SGCZ: variants seen among roughly 807,000 people sequenced by gnomAD.
SGCZ encodes the protein sarcoglycan zeta, also known as zeta-sarcoglycan.
A neutral mutation model predicts 41.3 loss-of-function variants in SGCZ; 40 were observed. The observed-to-expected ratio is 0.97, with a 90% CI of 0.75 to 1.26. SGCZ has a LOEUF of 1.26. Among genes scored for constraint, SGCZ ranks in the 50% most tolerant of loss-of-function variants. The pLI is 0.00. For synonymous variants in SGCZ, 206 were observed against 137.5 expected (o/e 1.50, Z -3.49); for missense variants, 552 against 369.8 (o/e 1.49, Z -4.04).
intron 2 of SGCZ, among the ~76,000 whole-genome samples, chr8:14,535,510 G>A (rs1432651205): frequency 6.6e-6 from 1 of 151,792 alleles, no homozygotes; most frequent in African/African-American, 2.4e-5. Context: ...CACACAAGCT[G>A]TAATTAAAAT....
At chr8:14,725,033 A>T (rs1810006337) in intron 1 of SGCZ, among the ~76,000 whole-genome samples, 1 of 152,066 alleles carries the variant, frequency 6.6e-6, no homozygotes. Context: ...AGTGGCCATC[A>T]TTCTACTCTC....
chr8:14,162,768 G>A (rs933244006), intron 5 of SGCZ: 1 of 152,336 alleles, frequency 6.6e-6, no homozygotes, highest in Non-Finnish European at 1.5e-5. Context: ...GACAGGCGTA[G>A]GGGTAAGGGT....
At chr8:14,807,142 T>A (rs1801563791) in intron 1 of SGCZ, among the ~76,000 whole-genome samples, 1 of 151,552 alleles carries the variant, frequency 6.6e-6, no homozygotes, top group Admixed American at 6.6e-5. Context: ...GGGCAAAAAC[T>A]GGAAGCATTC....
chr8:14,101,707 T>C (rs547055746), intron 7 of SGCZ, among the ~76,000 whole-genome samples: 4 of 152,012 alleles, frequency 2.6e-5, no homozygotes, highest in Admixed American at 1.3e-4. Context: ...AAAGGCACTC[T>C]TTCTATGGAA....
At chr8:14,532,201 G>A (rs540773926) in intron 2 of SGCZ, among the ~76,000 whole-genome samples, 14 of 152,050 alleles carry the variant, frequency 9.2e-5, no homozygotes, top group Admixed American at 7.9e-4. Context: ...AATCACAGAT[G>A]TATCCAGATG....
chr8:14,588,768 T>G (rs529930025), intron 1 of SGCZ, among the ~76,000 whole-genome samples: 25 of 152,272 alleles, frequency 1.6e-4, no homozygotes, highest in African/African-American at 4.3e-4. Flanking sequence ...AATAGATTGA[T>G]AACAAAGAAT....
At chr8:14,308,489 T>G (rs774495948) in intron 3 of SGCZ, among the ~76,000 whole-genome samples, 1 of 151,976 alleles carries the variant, frequency 6.6e-6, no homozygotes, top group Non-Finnish European at 1.5e-5. Context: ...GGTTCAAGCT[T>G]CAATGCAGGG....
chr8:15,115,931 T>A (rs1414210961), intron 1 of SGCZ, among the ~76,000 whole-genome samples: 2 of 152,216 alleles, frequency 1.3e-5, no homozygotes, highest in African/African-American at 4.8e-5. Flanking sequence ...GCCTCTATAA[T>A]AGTTCAGCAA....
At chr8:14,454,785 AG>A in intron 2 of SGCZ, among the ~76,000 whole-genome samples, 1 of 152,278 alleles carries the variant, frequency 6.6e-6, no homozygotes, top group African/African-American at 2.4e-5. Flanking sequence ...TAACATAAAG[AG>A]GAGCTTTTAA....
At chr8:14,516,692 A>T (rs1172256697) in intron 2 of SGCZ, among the ~76,000 whole-genome samples, 1 of 152,056 alleles carries the variant, frequency 6.6e-6, no homozygotes, top group Non-Finnish European at 1.5e-5. Context: ...TTTCATATGA[A>T]GTGAGTTTTT....
intron 7 of SGCZ, among the ~76,000 whole-genome samples, chr8:14,092,143 T>C (rs1158769595): frequency 6.6e-6 from 1 of 152,100 alleles, no homozygotes; most frequent in Non-Finnish European, 1.5e-5. Flanking sequence ...TCTAGTGTTA[T>C]TGCTGAGGCC....
intron 2 of SGCZ, among the ~76,000 whole-genome samples, chr8:14,395,616 C>T (rs1478338224): frequency 1.3e-5 from 2 of 152,100 alleles, no homozygotes; most frequent in African/African-American, 2.4e-5. Flanking sequence ...TTATAAGATA[C>T]AGCCAGTCAG....
At chr8:14,456,332 C>T (rs573447502) in intron 2 of SGCZ, among the ~76,000 whole-genome samples, 27 of 152,158 alleles carry the variant, frequency 1.8e-4, no homozygotes, top group Middle Eastern at 3.4e-3. Flanking sequence ...CACTTGAACC[C>T]GGGAGGCAGA....
Position 14,449,344 on chromosome 8 carries a change from T to A in SGCZ, c.234+105388A>T, listed in dbSNP as rs1252862373. 2.6e-5 allele frequency among the ~76,000 whole-genome samples: 4 copies of A among 152,190 alleles called. No homozygotes were observed. In the East Asian group the frequency reaches 7.7e-4, roughly 29 times the overall value. ...TCCACTTATTCTCAAAAATACAAGATGAATGATGTGCAATACCATGGCTGT... is the reference window on the plus strand; with the variant it reads ...TCCACTTATTCTCAAAAATACAAGAAGAATGATGTGCAATACCATGGCTGT... On this transcript the variant is annotated intron_variant, in intron 2 of 7. Coordinates refer to ENST00000382080, the MANE Select transcript of SGCZ (RefSeq NM_139167.4).
At chr8:15,156,039 C>G in intron 1 of SGCZ, among the ~76,000 whole-genome samples, 1 of 114,736 alleles carries the variant, frequency 8.7e-6, no homozygotes, top group Non-Finnish European at 1.7e-5. Context: ...GCCTGGGTGA[C>G]AGAGTGAGAT....
intron 1 of SGCZ, among the ~76,000 whole-genome samples, chr8:14,854,028 T>TATATAC (rs1803450986): frequency 1.1e-5 from 1 of 89,990 alleles, no homozygotes; most frequent in South Asian, 3.8e-4. Context: ...ATATTATATA[T>TATATAC]ATATATATAT....
intron 3 of SGCZ, among the ~76,000 whole-genome samples, chr8:14,243,476 C>T (rs769837344): frequency 3.3e-5 from 5 of 152,166 alleles, no homozygotes; most frequent in Non-Finnish European, 7.3e-5. Flanking sequence ...AACATATTGG[C>T]ATACTTGAAT....
chr8:14,507,955 G>C (rs1471120333), intron 2 of SGCZ, among the ~76,000 whole-genome samples: 1 of 151,928 alleles, frequency 6.6e-6, no homozygotes, highest in African/African-American at 2.4e-5. Context: ...ATTTTTAGTA[G>C]AGACGGGGTT....
At chr8:14,160,489 G>A (rs1399209892) in intron 5 of SGCZ, among the ~76,000 whole-genome samples, 2 of 152,118 alleles carry the variant, frequency 1.3e-5, no homozygotes, top group African/African-American at 4.8e-5. Flanking sequence ...TAAAAATATA[G>A]TTTTCAATTG....
Sources: allele counts gnomAD v4.1 joint callset (sites outside exome capture counted in the v4.1 genomes callset), GRCh38; gene constraint gnomAD v4.1.1; transcripts MANE v1.5; gene names NCBI Gene and HGNC (gene_info 2026-07-23, HGNC 2026-07-21).